ELAC2: variants seen among roughly 807,000 people sequenced by gnomAD.
ELAC2 encodes elaC ribonuclease Z 2, also known as zinc phosphodiesterase ELAC protein 2.
A neutral mutation model predicts 105.2 loss-of-function variants in ELAC2; 92 were observed. The observed-to-expected ratio is 0.87, with a 90% CI of 0.74 to 1.04. The LOEUF is 1.04. Ranked by LOEUF, ELAC2 falls within the 50% of genes least tolerant of loss-of-function variation. The pLI is 0.00. For synonymous variants in ELAC2, 468 were observed against 409.1 expected, an observed-to-expected ratio of 1.14 and a Z score of -1.74; for missense variants, 1,099 against 1,071.7, an observed-to-expected ratio of 1.03 and a Z score of -0.36.
chr17:13,011,828 C>G, intron 6 of ELAC2, 46 bp from the exon 7 acceptor site: 1 of 1,613,854 alleles, frequency 6.2e-7, no homozygotes, highest in South Asian at 1.1e-5. Flanking sequence ...ACAAGGTGAG[C>G]TGACAGCCAA....
At chr17:13,001,987 A>G (rs1384193714) in intron 14 of ELAC2, among the ~76,000 whole-genome samples, 1 of 152,194 alleles carries the variant, frequency 6.6e-6, no homozygotes, top group Non-Finnish European at 1.5e-5. Flanking sequence ...TATCACTGCT[A>G]TTCCCATGCA....
chr17:13,010,731 G>C, intron 7 of ELAC2, 60 bp from the exon 8 acceptor site: 1 of 1,433,692 alleles, frequency 7.0e-7, no homozygotes, highest in Non-Finnish European at 9.8e-7. Flanking sequence ...AGACATCACA[G>C]ACTGATTATG....
At chr17:13,013,427 T>C (rs2041536962) in intron 5 of ELAC2, 152 bp from the exon 6 acceptor site, 1 of 832,340 alleles carries the variant, frequency 1.2e-6, no homozygotes. Flanking sequence ...GAGATTACCA[T>C]TTTTAGGAAA....
intron 12 of ELAC2, chr17:13,002,820 G>T (rs1567755678): frequency 1.7e-6 from 1 of 598,976 alleles, no homozygotes; most frequent in Non-Finnish European, 3.0e-6. Context: ...ACAAGAAAAA[G>T]AAGATGTCCA....
At chr17:13,002,870 G>C in intron 12 of ELAC2, 1 of 476,566 alleles carries the variant, frequency 2.1e-6, no homozygotes. Context: ...AGGAATGAAA[G>C]AGACAGCAGG....
In ELAC2 at chr17:13,017,783, T is replaced by G. The variant is rs1475518379; in HGVS notation, c.165A>C (p.Pro55=). 1.9e-6 allele frequency: 3 copies of G among 1,609,692 alleles called. No homozygotes were observed. The African/African-American group carries it at 4.0e-5, about 21-fold the overall frequency. Reference sequence around the variant, plus strand: ...CCACCACCTGCAGGTACACGGTGTTTGGGCCGCCGGAGCACCCCGACGGTC... The same window carrying G: ...CCACCACCTGCAGGTACACGGTGTTGGGGCCGCCGGAGCACCCCGACGGTC... ...KRGPSGCSGG[P]NTVYLQVVAA... Residue 55 remains proline, a synonymous_variant, in exon 1 of 24, where the codon CCA becomes CCC. Transcript: ENST00000338034.
rs17639379 is a variant in ELAC2 at position 13,004,930 on chromosome 17, T to A, written c.983+59A>T. The A allele has an allele frequency of 0.11, 147,548 of 1,316,590 alleles. 9,399 individuals carry two copies. Among genetic ancestry groups the A allele is most frequent in the Middle Eastern group, 0.2 (1,108 of 5,420 alleles). 81.6% of individuals were successfully genotyped at this position (1,316,590 alleles called of 1,614,324 possible). A position where few individuals can be genotyped will look rare whatever the true frequency, so the allele number is the denominator to read the frequency against. The stretch of plus-strand genomic sequence containing the variant: ...CACAGCTCTTGCCACAAGATGCCCA[T>A]GTCGATGCTGGGCTGGGTTTCAGCT... On this transcript the variant is annotated intron_variant, in intron 11 of 23. Transcript: ENST00000338034.
chr17:13,008,485 C>T (rs145072563), intron 8 of ELAC2, among the ~76,000 whole-genome samples: 13,010 of 151,926 alleles, frequency 0.086, 773 homozygotes, highest in Middle Eastern at 0.2. Context: ...GCACTCCAGC[C>T]TGGTGACAGA....
intron 4 of ELAC2, among the ~76,000 whole-genome samples, chr17:13,014,821 T>C (rs1205281334): frequency 1.3e-5 from 2 of 152,188 alleles, no homozygotes; most frequent in Non-Finnish European, 2.9e-5. Context: ...CCAACTTGTC[T>C]AGAGAAGAAG....
chr17:12,998,212 T>C (rs988018293), intron 16 of ELAC2, among the ~76,000 whole-genome samples, 200 bp downstream of exon 16: 1 of 143,140 alleles, frequency 7.0e-6, no homozygotes, highest in Non-Finnish European at 1.6e-5. Context: ...GGATGAATTT[T>C]GGTGATTCCC....
At position 13,016,830 on chromosome 17, in the gene ELAC2, C is replaced by G. The variant is rs368823714; in HGVS notation, c.367+32G>C. 3.7e-6 allele frequency: 6 copies of G among 1,606,814 alleles called. No homozygotes were observed. In the African/African-American group the frequency reaches 5.4e-5, roughly 14 times the overall value. ...CGGTTAAAATCCCAGAGACTTCCCACCAGCCTCTGACACTGCAAAGAATAT... is the reference window on the plus strand; with the variant it reads ...CGGTTAAAATCCCAGAGACTTCCCAGCAGCCTCTGACACTGCAAAGAATAT... On this transcript the variant is annotated intron_variant, in intron 3 of 23. Coordinates refer to ENST00000338034, the MANE Select transcript of ELAC2 (RefSeq NM_018127.7).
intron 10 of ELAC2, 99 bp downstream of exon 10, chr17:13,005,654 C>A: frequency 8.1e-7 from 1 of 1,232,612 alleles, no homozygotes; most frequent in Non-Finnish European, 1.2e-6. Context: ...GTTCCACGTC[C>A]TTCAAAAGTG....
At chr17:13,010,202 G>C (rs2041340221) in intron 8 of ELAC2, among the ~76,000 whole-genome samples, 1 of 151,458 alleles carries the variant, frequency 6.6e-6, no homozygotes, top group Non-Finnish European at 1.5e-5. Flanking sequence ...AGAGAGTCTT[G>C]CTCTGTCACC....
intron 3 of ELAC2, among the ~76,000 whole-genome samples, chr17:13,016,229 T>C (rs1019259534): frequency 2.0e-5 from 3 of 152,242 alleles, no homozygotes; most frequent in African/African-American, 7.2e-5. Flanking sequence ...AATCCTGACC[T>C]TCCGGTTGAT....
At chr17:13,017,028 C>A (rs1456062942) in intron 2 of ELAC2, 43 bp downstream of exon 2, 2 of 1,613,232 alleles carry the variant, frequency 1.2e-6, no homozygotes, top group Non-Finnish European at 1.7e-6. Flanking sequence ...GGCTTTCAAG[C>A]CCCGTAATCA....
chr17:13,006,141 C>T lies in ELAC2; in HGVS notation c.739-162G>A, dbSNP rs918799971. On this transcript the variant is annotated intron_variant, in intron 8 of 23. Coordinates refer to ENST00000338034, the MANE Select transcript of ELAC2 (RefSeq NM_018127.7). ...ATTCCAGTACTTTCGGAGGCTGAGGCGGGCAGATCACCTGAGGTCAGGAGT... is the reference window on the plus strand; with the variant it reads ...ATTCCAGTACTTTCGGAGGCTGAGGTGGGCAGATCACCTGAGGTCAGGAGT... The T allele has an allele frequency of 6.1e-5, 44 of 722,330 alleles. No homozygotes were observed. In the African/African-American group the frequency reaches 6.5e-4, roughly 11 times the overall value. The allele number at this position is 722,330 out of a possible 1,614,324, so 44.7% of individuals were successfully genotyped here.
intron 8 of ELAC2, chr17:13,006,209 A>G: frequency 2.0e-6 from 1 of 511,830 alleles, no homozygotes; most frequent in Admixed American, 3.2e-5. Flanking sequence ...CGTCTCTACT[A>G]AAAATACAAA....
intron 11 of ELAC2, 61 bp from the exon 12 acceptor site, chr17:13,003,635 C>T: frequency 6.7e-7 from 1 of 1,487,152 alleles, no homozygotes; most frequent in Non-Finnish European, 9.4e-7. Flanking sequence ...AAGACAGGGA[C>T]CACGCAGCCA....
chr17:13,003,662 G>A (rs1207688102), intron 11 of ELAC2, 88 bp from the exon 12 acceptor site: 25 of 1,190,130 alleles, frequency 2.1e-5, no homozygotes, highest in Admixed American at 3.6e-5. Context: ...GGTATCGTGC[G>A]GCCCTCTGCA....
Sources: gnomAD v4.1 joint callset for allele counts (sites outside exome capture counted in the v4.1 genomes callset) on GRCh38, gnomAD v4.1.1 for gene constraint, MANE v1.5 for transcripts, NCBI Gene and HGNC (gene_info 2026-07-23, HGNC 2026-07-21) for gene names.